Variants in DCDC2 observed in about 807,000 individuals in gnomAD.
DCDC2 encodes doublecortin domain containing 2, also known as doublecortin domain-containing protein 2.
A neutral mutation model predicts 50.2 loss-of-function variants in DCDC2; 40 were observed. The ratio of observed to expected loss-of-function variants is 0.80; its 90% confidence interval spans 0.62 to 1.04. The LOEUF (loss-of-function observed/expected upper bound fraction) is 1.04. Among genes scored for constraint, DCDC2 ranks in the 50% least tolerant of loss-of-function variants. The pLI, the probability that DCDC2 is intolerant of heterozygous loss-of-function variation, is 0.00. For missense variants in DCDC2, 570 were observed against 581.9 expected (o/e 0.98, Z 0.21); for synonymous variants, 234 against 210.6 (o/e 1.11, Z -0.96).
intron 7 of DCDC2, among the ~76,000 whole-genome samples, chr6:24,246,343 T>C (rs1484233798): frequency 6.6e-6 from 1 of 151,900 alleles, no homozygotes. Flanking sequence ...AATGACTAGA[T>C]CTTTAGTGGT....
At chr6:24,310,946 G>A (rs879317084) in intron 2 of DCDC2, among the ~76,000 whole-genome samples, 4 of 152,084 alleles carry the variant, frequency 2.6e-5, no homozygotes, top group African/African-American at 7.2e-5. Context: ...CCCAAGGCCA[G>A]GTCCTCACAA....
chr6:24,371,673 C>T, the DCDC2 span, among the ~76,000 whole-genome samples: 3 of 152,176 alleles, frequency 2.0e-5, no homozygotes, highest in Admixed American at 6.5e-5. Context: ...ATACTACCAT[C>T]AGAGTGAACA....
intron 7 of DCDC2, among the ~76,000 whole-genome samples, chr6:24,247,440 T>G (rs1721364700): frequency 6.6e-6 from 1 of 152,122 alleles, no homozygotes; most frequent in African/African-American, 2.4e-5. Flanking sequence ...ACTGTAGGCT[T>G]TTCAACATGT....
At chr6:24,271,421 G>A (rs1054962714) in intron 7 of DCDC2, among the ~76,000 whole-genome samples, 11 of 152,098 alleles carry the variant, frequency 7.2e-5, no homozygotes, top group African/African-American at 2.2e-4. Context: ...TCTGGAGCTG[G>A]GGAAGAAATA....
At chr6:24,290,072 C>A (rs1345067068) in intron 5 of DCDC2, among the ~76,000 whole-genome samples, 1 of 138,268 alleles carries the variant, frequency 7.2e-6, no homozygotes, top group Non-Finnish European at 1.5e-5. Flanking sequence ...CAGCTCACTG[C>A]AAGCTCCGCC....
intron 2 of DCDC2, among the ~76,000 whole-genome samples, chr6:24,302,413 C>T (rs1158080023): frequency 6.6e-6 from 1 of 152,048 alleles, no homozygotes; most frequent in Non-Finnish European, 1.5e-5. Context: ...AAGTGCTGTG[C>T]CTGCAGCCCA....
chr6:24,194,957 G>T (rs751382702), intron 8 of DCDC2, among the ~76,000 whole-genome samples: 3 of 152,082 alleles, frequency 2.0e-5, no homozygotes, highest in Non-Finnish European at 4.4e-5. Context: ...TCATTAATTT[G>T]TCTGTAACTA....
intron 8 of DCDC2, among the ~76,000 whole-genome samples, chr6:24,196,603 G>C (rs1486152908): frequency 6.6e-6 from 1 of 152,038 alleles, no homozygotes; most frequent in South Asian, 2.1e-4. Context: ...TGTATTTTCA[G>C]TAGAGACCAG....
intron 2 of DCDC2, among the ~76,000 whole-genome samples, chr6:24,335,731 G>T (rs1760045972): frequency 6.6e-6 from 1 of 152,208 alleles, no homozygotes; most frequent in South Asian, 2.1e-4. Flanking sequence ...GGGGAAGCAG[G>T]CAACGACCTT....
chr6:24,261,202 TG>T (rs1763000650), intron 7 of DCDC2, among the ~76,000 whole-genome samples: 2 of 86,976 alleles, frequency 2.3e-5, no homozygotes, highest in African/African-American at 3.2e-5. Flanking sequence ...TCCATTTTCT[TG>T]CTTTTTTTTT....
Position 24,221,311 on chromosome 6 carries a change from A to T in DCDC2, c.923-16209T>A, listed in dbSNP as rs539810294. On this transcript the variant is annotated intron_variant, in intron 7 of 9. Transcript: ENST00000378454. ...CTCTGCAACTAGACCCCTCAACCCC[A>T]AAGGGACTCGTGATGTCTGCTCACT... Among the ~76,000 whole-genome samples, 5 of 152,050 alleles carry T rather than the reference A, an allele frequency of 3.3e-5. No individual in the cohort carries two copies. In the South Asian group the frequency reaches 6.2e-4, roughly 19 times the overall value.
chr6:24,269,532 C>T (rs1763193527), intron 7 of DCDC2, among the ~76,000 whole-genome samples: 1 of 151,998 alleles, frequency 6.6e-6, no homozygotes, highest in Non-Finnish European at 1.5e-5. Flanking sequence ...AAATGAAATA[C>T]TCTGGTGATT....
Position 24,174,603 on chromosome 6 carries a change from T to C in DCDC2, c.*127A>G, listed in dbSNP as rs1175779703. 3 of 574,936 alleles carry C rather than the reference T, an allele frequency of 5.2e-6. No homozygotes were observed. Among genetic ancestry groups the C allele is most frequent in the Non-Finnish European group, 9.0e-6 (3 of 334,588 alleles). 35.6% of individuals were successfully genotyped at this position (574,936 alleles called of 1,614,324 possible). ...TGGTCTTTCCACTAGGCTTCTAATG[T>C]TATAATTCGTAGGTAGTATTCGACC... is the stretch of plus-strand genomic sequence containing the variant. On this transcript the variant is annotated 3_prime_UTR_variant, in exon 10 of 10. Coordinates refer to ENST00000378454, the MANE Select transcript of DCDC2 (RefSeq NM_016356.5).
In DCDC2 at chr6:24,188,862, C is replaced by T. The variant is rs185669001; in HGVS notation, c.1024-10230G>A. ...CAATGATCGCAGAAGTCATTTAAACCTAGATGATTCCAGCCTCACAGCCTC... is the reference window on the plus strand; with the variant it reads ...CAATGATCGCAGAAGTCATTTAAACTTAGATGATTCCAGCCTCACAGCCTC... On this transcript the variant is annotated intron_variant, in intron 8 of 9. Coordinates refer to ENST00000378454, the MANE Select transcript of DCDC2 (RefSeq NM_016356.5). Among the ~76,000 whole-genome samples, 19 of 152,100 alleles carry T rather than the reference C, an allele frequency of 1.2e-4. No homozygotes were observed. In the East Asian group the frequency reaches 3.7e-3, roughly 29 times the overall value.
At chr6:24,257,922 G>A (rs1167518374) in intron 7 of DCDC2, among the ~76,000 whole-genome samples, 1 of 152,114 alleles carries the variant, frequency 6.6e-6, no homozygotes, top group Non-Finnish European at 1.5e-5. Context: ...TAGAATCAAT[G>A]AAAATTAGCT....
In DCDC2 at chr6:24,288,883, G is replaced by A. The variant is rs948355469; in HGVS notation, c.728C>T (p.Pro243Leu). ...TTTAGACTTTCTGGATCCTACAATAGGAGGTAGTGAAGAAGCTTTCTGACT... is the reference window on the plus strand; with the variant it reads ...TTTAGACTTTCTGGATCCTACAATAAGAGGTAGTGAAGAAGCTTTCTGACT... ...PFGQKASSLP[P>L]IVGSRKSKGS... The change falls in exon 6 of 10, where the codon CCT becomes CTT. Residue 243 changes from proline (P) to leucine (L), a missense_variant. Physicochemically the swap from Pro to Leu is moderately conservative, Grantham distance 98 (BLOSUM62 -3). Coordinates refer to ENST00000378454, the MANE Select transcript of DCDC2 (RefSeq NM_016356.5). 6.2e-7 allele frequency: 1 copy of A among 1,602,552 alleles called. No homozygotes were observed. Among genetic ancestry groups the A allele is most frequent in the Non-Finnish European group, 8.5e-7 (1 of 1,176,942 alleles).
intron 2 of DCDC2, among the ~76,000 whole-genome samples, chr6:24,330,352 A>G (rs1198124304): frequency 6.6e-6 from 1 of 152,224 alleles, no homozygotes; most frequent in East Asian, 1.9e-4. Flanking sequence ...AACCTGCCCT[A>G]TGTATCAAAA....
At chr6:24,214,296 T>C (rs1043553786) in intron 7 of DCDC2, among the ~76,000 whole-genome samples, 11 of 152,176 alleles carry the variant, frequency 7.2e-5, no homozygotes, top group Admixed American at 6.5e-5. Context: ...TTTAAATAGG[T>C]GTAGCAAAAT....
chr6:24,245,322 C>T (rs912052788), intron 7 of DCDC2, among the ~76,000 whole-genome samples: 47 of 152,256 alleles, frequency 3.1e-4, no homozygotes, highest in African/African-American at 1.1e-3. Flanking sequence ...AGTGTTGGAA[C>T]CCAGATCCCA....
Sources: gnomAD v4.1 joint callset for allele counts (sites outside exome capture counted in the v4.1 genomes callset) on GRCh38, gnomAD v4.1.1 for gene constraint, MANE v1.5 for transcripts, NCBI Gene and HGNC (gene_info 2026-07-23, HGNC 2026-07-21) for gene names.